Variants in ANKH observed in about 807,000 individuals in gnomAD.
The protein encoded by ANKH is ANKH inorganic pyrophosphate transport regulator.
Under a neutral mutation model 49.0 loss-of-function variants are expected in ANKH, and 15 were observed. The observed-to-expected ratio is 0.31, with a 90% CI of 0.20 to 0.47. The LOEUF is 0.47. Ranked by LOEUF, ANKH falls within the 20% of genes least tolerant of loss-of-function variation. The pLI is 1.00. For missense variants in ANKH, 429 were observed against 652.0 expected (o/e 0.66, Z 3.72); for synonymous variants, 273 against 260.0 (o/e 1.05, Z -0.48).
At chr5:14,818,938 A>G (rs545465148) in intron 1 of ANKH, among the ~76,000 whole-genome samples, 1 of 152,212 alleles carries the variant, frequency 6.6e-6, no homozygotes, top group Admixed American at 6.5e-5. Flanking sequence ...ACTTTTGAAA[A>G]AAGCTAATTT....
intron 1 of ANKH, among the ~76,000 whole-genome samples, chr5:14,787,598 GCTA>G (rs1278817422): frequency 6.6e-6 from 1 of 152,080 alleles, no homozygotes; most frequent in African/African-American, 2.4e-5. Flanking sequence ...CAGAGCAGAT[GCTA>G]CTTTTATTAA....
chr5:14,794,328 T>A lies in ANKH; in HGVS notation c.97-25137A>T, dbSNP rs886271175. 2.6e-5 allele frequency among the ~76,000 whole-genome samples: 4 copies of A among 152,214 alleles called. No homozygotes were observed. In the South Asian group the frequency reaches 8.3e-4, roughly 32 times the overall value. On this transcript the variant is annotated intron_variant, in intron 1 of 11. Coordinates refer to ENST00000284268, the MANE Select transcript of ANKH (RefSeq NM_054027.6). ...CCCAGCACTGACTGTGAATCCATGA[T>A]GTAACTATAGTGGGGACCACAGAAA...
intron 1 of ANKH, among the ~76,000 whole-genome samples, chr5:14,772,399 T>G (rs1739474449): frequency 1.3e-5 from 2 of 152,228 alleles, no homozygotes; most frequent in African/African-American, 4.8e-5. Context: ...GAACTCATTA[T>G]CATTTTTCTG....
intron 1 of ANKH, among the ~76,000 whole-genome samples, chr5:14,819,871 T>TAAC (rs199545884): frequency 0.014 from 1,996 of 145,880 alleles, 46 homozygotes; most frequent in African/African-American, 0.048. Context: ...GTCTCAACAA[T>TAAC]AACAACAACA....
At chr5:14,721,132 G>A (rs1343308004) in intron 8 of ANKH, among the ~76,000 whole-genome samples, 2 of 152,242 alleles carry the variant, frequency 1.3e-5, no homozygotes, top group African/African-American at 4.8e-5. Flanking sequence ...GGTGAGCACA[G>A]TTATGGTACC....
At chr5:14,776,217 G>T (rs1404322496) in intron 1 of ANKH, among the ~76,000 whole-genome samples, 1 of 152,198 alleles carries the variant, frequency 6.6e-6, no homozygotes, top group Non-Finnish European at 1.5e-5. Flanking sequence ...AATTTTCTGG[G>T]TTGAGGAAAT....
chr5:14,797,549 A>G (rs1740427317), intron 1 of ANKH: 5 of 1,611,044 alleles, frequency 3.1e-6, no homozygotes, highest in Non-Finnish European at 4.2e-6. Flanking sequence ...TGAACTCACT[A>G]TAAGGACTGA....
intron 1 of ANKH, among the ~76,000 whole-genome samples, chr5:14,793,071 ATATAT>A (rs1341889438): frequency 0.013 from 1,344 of 106,572 alleles, 29 homozygotes; most frequent in African/African-American, 0.048. Context: ...ATATATATAA[ATATAT>A]AAAAATATAT....
Position 14,713,478 on chromosome 5 carries a change from T to C in ANKH, c.1265+66A>G. ...GGATTTCCCCTGAAAATGTAGCTGT[T>C]AAACCTCTGGACACAGTATTGAAGT... is the stretch of plus-strand genomic sequence containing the variant. On this transcript the variant is annotated intron_variant, in intron 10 of 11. Coordinates refer to ENST00000284268, the MANE Select transcript of ANKH (RefSeq NM_054027.6). The surrounding 1 kb of genome is among the most constrained non-coding windows in gnomAD (Gnocchi z 4.4). 6.2e-7 allele frequency: 1 copy of C among 1,600,954 alleles called. No individual in the cohort carries two copies. Among genetic ancestry groups the C allele is most frequent in the African/African-American group, 1.3e-5 (1 of 74,644 alleles).
rs939350074 is a variant in ANKH at position 14,705,935 on chromosome 5, C to T, written c.*5262G>A. 6.6e-6 allele frequency: 1 copy of T among 152,206 alleles called. No individual in the cohort carries two copies. Among genetic ancestry groups the T allele is most frequent in the Admixed American group, 6.5e-5 (1 of 15,282 alleles). 9.4% of individuals were successfully genotyped at this position (152,206 alleles called of 1,614,324 possible). On this transcript the variant is annotated 3_prime_UTR_variant, in exon 12 of 12. Coordinates refer to ENST00000284268, the MANE Select transcript of ANKH (RefSeq NM_054027.6). ...GTAATGTTCCCCTAATGTTCCCCAA[C>T]TCCAGAGGCGCCATTTCTTGCCCTG...
intron 8 of ANKH, among the ~76,000 whole-genome samples, chr5:14,717,955 C>G (rs529969577): frequency 6.6e-6 from 1 of 152,066 alleles, no homozygotes; most frequent in Non-Finnish European, 1.5e-5. Context: ...ACATGGAAAA[C>G]GGGGGAATTA....
intron 8 of ANKH, among the ~76,000 whole-genome samples, chr5:14,738,345 T>C (rs1738250465): frequency 6.6e-6 from 1 of 152,214 alleles, no homozygotes. Flanking sequence ...ATTTTGATTC[T>C]GGACAGTATA....
intron 1 of ANKH, among the ~76,000 whole-genome samples, chr5:14,807,743 A>G (rs1360606271): frequency 6.6e-6 from 1 of 152,192 alleles, no homozygotes; most frequent in Admixed American, 6.5e-5. Context: ...ACCTGACATC[A>G]CTGGGTTCAA....
In ANKH at chr5:14,764,075, G is replaced by A. The variant is rs576942800; in HGVS notation, c.313+4900C>T. ...TGAACTCTAGCCTGGGTGACAGAACGGAAAATAAATAAATAAATAAAAATA... is the reference window on the plus strand; with the variant it reads ...TGAACTCTAGCCTGGGTGACAGAACAGAAAATAAATAAATAAATAAAAATA... On this transcript the variant is annotated intron_variant, in intron 2 of 11. Transcript: ENST00000284268. 1.7e-4 allele frequency among the ~76,000 whole-genome samples: 8 copies of A among 45,928 alleles called. No individual in the cohort carries two copies. In the East Asian group the frequency reaches 4.5e-3, roughly 26 times the overall value. The allele number at this position is 45,928 out of a possible 152,430, so 30.1% of individuals were successfully genotyped here.
chr5:14,862,172 G>A (rs1208934470), intron 1 of ANKH, among the ~76,000 whole-genome samples: 1 of 152,204 alleles, frequency 6.6e-6, no homozygotes, highest in African/African-American at 2.4e-5. Context: ...GGAGGTGGAC[G>A]TTGCAGTGAG....
At position 14,816,344 on chromosome 5, in the gene ANKH, C is replaced by T. The variant is rs561848835; in HGVS notation, c.97-47153G>A. Among the ~76,000 whole-genome samples the T allele has an allele frequency of 2.4e-3, 359 of 152,224 alleles. 2 individuals are homozygous for T. Among genetic ancestry groups the T allele is most frequent in the African/African-American group, 8.3e-3 (344 of 41,534 alleles). ...TTAAGAAAAGAGAGAGAAGCCACTT[C>T]GAATGGGTCTAATTGTAATTTCTTC... On this transcript the variant is annotated intron_variant, in intron 1 of 11. Coordinates refer to ENST00000284268, the MANE Select transcript of ANKH (RefSeq NM_054027.6).
chr5:14,785,174 A>C (rs1561054190), intron 1 of ANKH, among the ~76,000 whole-genome samples: 1 of 152,220 alleles, frequency 6.6e-6, no homozygotes, highest in African/African-American at 2.4e-5. Context: ...AGAGACCTCA[A>C]AACAAAAAAG....
At chr5:14,865,129 G>A (rs1455305371) in intron 1 of ANKH, among the ~76,000 whole-genome samples, 5 of 152,026 alleles carry the variant, frequency 3.3e-5, no homozygotes, top group Non-Finnish European at 5.9e-5. Flanking sequence ...GCATGGTGAC[G>A]CATGCCTGTA....
intron 9 of ANKH, among the ~76,000 whole-genome samples, chr5:14,714,883 T>TC (rs1276221774): frequency 6.6e-6 from 1 of 152,224 alleles, no homozygotes; most frequent in Non-Finnish European, 1.5e-5. Context: ...TCCAGGCCCC[T>TC]CCTCTGGTCA....
Sources: allele counts gnomAD v4.1 joint callset (sites outside exome capture counted in the v4.1 genomes callset), GRCh38; gene constraint gnomAD v4.1.1; non-coding constraint Gnocchi (gnomAD v3.1); transcripts MANE v1.5; gene names NCBI Gene and HGNC (gene_info 2026-07-23, HGNC 2026-07-21).